NUP160: variants seen among roughly 807,000 people sequenced by gnomAD.
The protein encoded by NUP160 is nuclear pore complex protein Nup160.
In NUP160, 94 loss-of-function variants were observed where a neutral mutation model predicts 196.9. The ratio of observed to expected loss-of-function variants is 0.48; its 90% CI spans 0.40 to 0.57. NUP160 has a LOEUF of 0.57. Ranked by LOEUF, NUP160 falls within the 20% of genes least tolerant of loss-of-function variation. NUP160 has a pLI of 0.00. For synonymous variants in NUP160, 605 were observed against 619.7 expected (o/e 0.98, Z 0.35); for missense variants, 1,638 against 1,748.3 (o/e 0.94, Z 1.13).
chr11:47,827,568 G>C (rs1851996614), intron 7 of NUP160, among the ~76,000 whole-genome samples: 1 of 151,930 alleles, frequency 6.6e-6, no homozygotes, highest in Non-Finnish European at 1.5e-5. Context: ...AATTAGCTGG[G>C]CATGGTGGCA....
chr11:47,803,394 C>T lies in NUP160; in HGVS notation c.2775+44G>A, dbSNP rs543358702. 132 of 1,185,086 alleles carry T rather than the reference C, an allele frequency of 1.1e-4. 3 individuals carry two copies. Among genetic ancestry groups the T allele is most frequent in the South Asian group, 1.0e-3 (82 of 81,702 alleles). 73.4% of individuals were successfully genotyped at this position (1,185,086 alleles called of 1,614,324 possible). Reference sequence around the variant, plus strand: ...AAATGGAAGCTAAGCAACTTCCTTGCGTTAAAGTTTATAAAGTTTATTTGC... The same window carrying T: ...AAATGGAAGCTAAGCAACTTCCTTGTGTTAAAGTTTATAAAGTTTATTTGC... On this transcript the variant is annotated intron_variant, in intron 22 of 35. Transcript: ENST00000378460.
chr11:47,782,306 ATATATAT>A lies in NUP160; in HGVS notation c.4116+760_4116+766del, dbSNP rs2097661743. Among the ~76,000 whole-genome samples, 109 of 42,310 alleles carry A rather than the reference ATATATAT, an allele frequency of 2.6e-3. 14 individuals are homozygous for A. The highest frequency in any genetic ancestry group is 8.9e-3 in the African/African-American group (79 of 8,900). The allele number at this position is 42,310 out of a possible 152,430, so 27.8% of individuals were successfully genotyped here. ...AACTCAGTTAAAAAAAAAAAAAAAT[ATATATAT>A]ATATATATATATATATATATATATA... is the stretch of plus-strand genomic sequence containing the variant. On this transcript the variant is annotated intron_variant, in intron 34 of 35. Coordinates refer to ENST00000378460, the Ensembl canonical transcript of NUP160.
intron 11 of NUP160, among the ~76,000 whole-genome samples, chr11:47,816,796 A>AG (rs1851736228): frequency 7.4e-6 from 1 of 135,096 alleles, no homozygotes; most frequent in African/African-American, 2.7e-5. Context: ...AAAAAAAAAA[A>AG]GTCTATGTAA....
chr11:47,807,256 C>T, intron 18 of NUP160, 116 bp from the exon 19 acceptor site: 1 of 649,124 alleles, frequency 1.5e-6, no homozygotes, highest in East Asian at 2.8e-5. Context: ...CATAAAAGCT[C>T]CACTGAAAGC....
chr11:47,816,264 T>C (rs2097684392), intron 11 of NUP160, among the ~76,000 whole-genome samples: 1 of 152,156 alleles, frequency 6.6e-6, no homozygotes, highest in Non-Finnish European at 1.5e-5. Flanking sequence ...AGGCTTCCTT[T>C]TCAATGACAC....
exon 3 of NUP160, chr11:47,840,391 C>G (rs367769746): frequency 6.2e-7 from 1 of 1,613,584 alleles, no homozygotes; most frequent in Admixed American, 1.7e-5. Context: ...CCTATACATC[C>G]GGGAGGGGTG....
intron 21 of NUP160, 23 bp downstream of exon 21, chr11:47,804,526 A>T (rs536888974): frequency 6.8e-7 from 1 of 1,470,366 alleles, no homozygotes; most frequent in African/African-American, 1.5e-5. Context: ...ATGTGTAGAC[A>T]TGAAATGTTC....
chr11:47,805,125 G>A (rs1384818662), intron 20 of NUP160, among the ~76,000 whole-genome samples: 1 of 151,870 alleles, frequency 6.6e-6, no homozygotes, highest in Non-Finnish European at 1.5e-5. Context: ...AATATTTGTT[G>A]AATGAATGTC....
intron 17 of NUP160, among the ~76,000 whole-genome samples, chr11:47,811,665 G>C (rs748820695): frequency 2.0e-5 from 3 of 152,104 alleles, no homozygotes; most frequent in Non-Finnish European, 4.4e-5. Flanking sequence ...TCTGCTTCAT[G>C]TATGTTTTTT....
intron 34 of NUP160, 75 bp downstream of exon 34, chr11:47,782,998 A>T: frequency 2.5e-6 from 3 of 1,222,966 alleles, no homozygotes; most frequent in Non-Finnish European, 3.6e-6. Context: ...AATGTTCATC[A>T]CTTTCAAACC....
In NUP160 at chr11:47,790,369, C is replaced by T. The variant is rs1366099462; in HGVS notation, c.3511+1561G>A. Among the ~76,000 whole-genome samples, 2 of 151,924 alleles carry T rather than the reference C, an allele frequency of 1.3e-5. 1 individual carries two copies. ...CAGCCTCCCGAGTTCAAGCAATTCT[C>T]CTGCCTCAGCCACCTGAGTAGCTGG... is the stretch of plus-strand genomic sequence containing the variant. On this transcript the variant is annotated intron_variant, in intron 29 of 35. Coordinates refer to ENST00000378460, the Ensembl canonical transcript of NUP160.
At chr11:47,822,301 A>G in intron 7 of NUP160, 137 bp from the exon 8 acceptor site, 1 of 501,700 alleles carries the variant, frequency 2.0e-6, no homozygotes, top group Non-Finnish European at 3.6e-6. Context: ...TCTGTTGCCC[A>G]GGCTGGAGTG....
intron 2 of NUP160, among the ~76,000 whole-genome samples, chr11:47,842,626 C>G (rs1161113962): frequency 2.0e-5 from 3 of 152,170 alleles, no homozygotes; most frequent in Non-Finnish European, 2.9e-5. Context: ...CCCATGCTCA[C>G]TGCAGTTGAT....
chr11:47,806,790 T>TATACACACAC (rs1296127312), intron 19 of NUP160, among the ~76,000 whole-genome samples: 10 of 111,840 alleles, frequency 8.9e-5, no homozygotes, highest in South Asian at 2.9e-4. Flanking sequence ...AAAGCAGCTA[T>TATACACACAC]ACACACACAC....
At chr11:47,821,366 T>G (rs899551325) in intron 9 of NUP160, 1 of 154,000 alleles carries the variant, frequency 6.5e-6, no homozygotes, top group Non-Finnish European at 1.4e-5. Context: ...TTTTTTTTTT[T>G]TTTTTTTTTG....
intron 34 of NUP160, among the ~76,000 whole-genome samples, chr11:47,782,080 G>A (rs551354435): frequency 2.0e-5 from 3 of 151,692 alleles, no homozygotes; most frequent in South Asian, 2.1e-4. Context: ...TAGGAGTTCC[G>A]AGACCAGCCT....
intron 17 of NUP160, among the ~76,000 whole-genome samples, chr11:47,810,701 C>G (rs1380483439): frequency 6.6e-6 from 1 of 151,890 alleles, no homozygotes; most frequent in Non-Finnish European, 1.5e-5. Flanking sequence ...AGTGTGCCAC[C>G]AGACCCCGCT....
intron 7 of NUP160, among the ~76,000 whole-genome samples, chr11:47,825,679 C>T (rs1354145537): frequency 1.3e-5 from 2 of 152,006 alleles, no homozygotes; most frequent in Non-Finnish European, 2.9e-5. Flanking sequence ...TCTCAAACTC[C>T]TGACCTCAAG....
At chr11:47,790,888 T>C (rs1286923715) in intron 29 of NUP160, among the ~76,000 whole-genome samples, 1 of 152,194 alleles carries the variant, frequency 6.6e-6, no homozygotes, top group South Asian at 2.1e-4. Flanking sequence ...TTAAAAGCCA[T>C]ATCTCTTTCT....
Sources: gnomAD v4.1 joint callset for allele counts (sites outside exome capture counted in the v4.1 genomes callset) on GRCh38, gnomAD v4.1.1 for gene constraint, MANE v1.5 for transcripts, NCBI Gene and HGNC (gene_info 2026-07-23, HGNC 2026-07-21) for gene names.